Variants in LRBA observed in about 807,000 individuals in gnomAD.
The protein encoded by LRBA is lipopolysaccharide-responsive and beige-like anchor protein.
In LRBA, 176 loss-of-function variants were observed where a neutral mutation model predicts 330.0. That is an observed-to-expected ratio of 0.53 (90% CI 0.47 to 0.60). LRBA has a LOEUF of 0.60. Ranked by LOEUF, LRBA falls within the 20% of genes least tolerant of loss-of-function variation. The pLI is 0.00. For missense variants in LRBA, 3,259 were observed against 3,444.8 expected (o/e 0.95, Z 1.35); for synonymous variants, 1,230 against 1,193.0 (o/e 1.03, Z -0.64).
chr4:150,942,558 C>T (rs1298646688), intron 2 of LRBA, among the ~76,000 whole-genome samples: 1 of 152,092 alleles, frequency 6.6e-6, no homozygotes, highest in Non-Finnish European at 1.5e-5. Context: ...AAAATATTCC[C>T]TTTGAAGTTT....
chr4:150,518,837 C>T (rs1762629857), intron 40 of LRBA, among the ~76,000 whole-genome samples: 1 of 152,098 alleles, frequency 6.6e-6, no homozygotes, highest in Admixed American at 6.6e-5. Context: ...TCTTACCCAT[C>T]TCTGATCTCC....
chr4:150,665,235 T>C (rs1781463130), intron 37 of LRBA, among the ~76,000 whole-genome samples: 1 of 152,222 alleles, frequency 6.6e-6, no homozygotes. Context: ...TTGGGACTGG[T>C]TGCTTAGGGA....
At chr4:150,687,008 A>G (rs993377155) in intron 36 of LRBA, among the ~76,000 whole-genome samples, 2 of 152,126 alleles carry the variant, frequency 1.3e-5, no homozygotes, top group Admixed American at 1.3e-4. Flanking sequence ...CTGACATAAA[A>G]TCTATAGATA....
chr4:150,997,219 T>C (rs770039468), intron 2 of LRBA, among the ~76,000 whole-genome samples: 7 of 152,230 alleles, frequency 4.6e-5, no homozygotes, highest in Non-Finnish European at 8.8e-5. Flanking sequence ...CAATATGTTA[T>C]GCTAAATGTA....
Position 150,607,597 on chromosome 4 carries a change from T to C in LRBA, c.5922-8466A>G, listed in dbSNP as rs1171853194. 5.9e-5 allele frequency among the ~76,000 whole-genome samples: 9 copies of C among 151,854 alleles called. No homozygotes were observed. In the East Asian group the frequency reaches 1.4e-3, roughly 23 times the overall value. On this transcript the variant is annotated intron_variant, in intron 37 of 56. Transcript: ENST00000651943. Reference sequence around the variant, plus strand: ...GAATTGAAAGAGAAGAGGCCTGTGCTAGAGATTTAAAATAGGGAGATTGAC... The same window carrying C: ...GAATTGAAAGAGAAGAGGCCTGTGCCAGAGATTTAAAATAGGGAGATTGAC...
intron 54 of LRBA, among the ~76,000 whole-genome samples, chr4:150,285,087 T>A (rs1247599733): frequency 6.6e-6 from 1 of 152,190 alleles, no homozygotes; most frequent in East Asian, 1.9e-4. Flanking sequence ...TTGACCAAAT[T>A]TATAAACATA....
intron 40 of LRBA, among the ~76,000 whole-genome samples, chr4:150,506,694 T>A (rs1329095486): frequency 6.6e-6 from 1 of 152,136 alleles, no homozygotes. Flanking sequence ...CTCTCACCAC[T>A]CTTATTCAAC....
intron 40 of LRBA, chr4:150,582,960 C>A (rs1415480566): frequency 2.6e-6 from 4 of 1,509,862 alleles, no homozygotes; most frequent in Admixed American, 2.2e-5. Context: ...GGGCCACCAC[C>A]AGTGCGTGAG....
chr4:150,552,503 G>A (rs1766734739), intron 40 of LRBA, among the ~76,000 whole-genome samples: 1 of 152,278 alleles, frequency 6.6e-6, no homozygotes, highest in African/African-American at 2.4e-5. Flanking sequence ...AACAACAGGT[G>A]TTGGAGAGGA....
At chr4:150,922,652 A>G (rs1257595844) in intron 4 of LRBA, among the ~76,000 whole-genome samples, 1 of 152,054 alleles carries the variant, frequency 6.6e-6, no homozygotes, top group Non-Finnish European at 1.5e-5. Context: ...AAAAGTCTAC[A>G]AATATGGTGT....
intron 35 of LRBA, among the ~76,000 whole-genome samples, chr4:150,744,168 T>C (rs1009801205): frequency 4.6e-5 from 7 of 152,240 alleles, no homozygotes; most frequent in Admixed American, 1.3e-4. Context: ...CCTCTGATTC[T>C]ACGATAGAAA....
chr4:150,316,674 G>A (rs912132164), intron 50 of LRBA, among the ~76,000 whole-genome samples: 3 of 152,090 alleles, frequency 2.0e-5, no homozygotes, highest in Admixed American at 2.0e-4. Context: ...CATTGATACC[G>A]GTGGGCTAGG....
chr4:150,335,444 CGTATATATGT>C (rs1156230451), intron 48 of LRBA, among the ~76,000 whole-genome samples: 8 of 145,178 alleles, frequency 5.5e-5, no homozygotes, highest in South Asian at 2.2e-4. Flanking sequence ...TATATATACA[CGTATATATGT>C]GTATATATGT....
chr4:150,963,025 A>T (rs1416922939), intron 2 of LRBA, among the ~76,000 whole-genome samples: 2 of 148,300 alleles, frequency 1.3e-5, no homozygotes, highest in African/African-American at 5.2e-5. Context: ...TTATTAAAAA[A>T]AAAAACACCA....
At chr4:150,470,835 A>T (rs1419312787) in intron 43 of LRBA, among the ~76,000 whole-genome samples, 1 of 140,842 alleles carries the variant, frequency 7.1e-6, no homozygotes, top group African/African-American at 2.7e-5. Flanking sequence ...GGAAGCCCTC[A>T]TTACTACACA....
chr4:150,828,811 G>A (rs923799299), intron 29 of LRBA, among the ~76,000 whole-genome samples, 190 bp from the exon 30 acceptor site: 3 of 151,966 alleles, frequency 2.0e-5, no homozygotes, highest in Non-Finnish European at 4.4e-5. Context: ...AAGACAGATG[G>A]TATAATAAAA....
intron 37 of LRBA, among the ~76,000 whole-genome samples, chr4:150,642,040 TATACTA>T (rs1280771646): frequency 2.6e-5 from 4 of 152,052 alleles, no homozygotes; most frequent in African/African-American, 4.8e-5. Context: ...AGCACTGTCT[TATACTA>T]ATACAATTAA....
chr4:150,534,339 G>T (rs1764387217), intron 40 of LRBA, among the ~76,000 whole-genome samples: 1 of 74,718 alleles, frequency 1.3e-5, no homozygotes, highest in Admixed American at 1.7e-4. Context: ...AAAACTTGAA[G>T]TATAATAATA....
At chr4:150,941,571 T>A (rs1735684205) in intron 2 of LRBA, among the ~76,000 whole-genome samples, 1 of 152,238 alleles carries the variant, frequency 6.6e-6, no homozygotes, top group Admixed American at 6.5e-5. Flanking sequence ...GGAAATATCA[T>A]ATTTTCTTTC....
Sources: gnomAD v4.1 joint callset for allele counts (sites outside exome capture counted in the v4.1 genomes callset) on GRCh38, gnomAD v4.1.1 for gene constraint, MANE v1.5 for transcripts, NCBI Gene and HGNC (gene_info 2026-07-23, HGNC 2026-07-21) for gene names.